The following GUCD1 variants were observed in gnomAD, a reference collection of about 807,000 sequenced individuals.
GUCD1 encodes the protein protein GUCD1.
In GUCD1, 17 loss-of-function variants were observed where a neutral mutation model predicts 28.3. The observed-to-expected ratio is 0.60, with a 90% confidence interval of 0.41 to 0.90. The LOEUF (loss-of-function observed/expected upper bound fraction) is 0.90. Among genes scored for constraint, GUCD1 ranks in the 40% least tolerant of loss-of-function variants. GUCD1 has a pLI of 0.00. For synonymous variants in GUCD1, 129 were observed against 123.3 expected, an observed-to-expected ratio of 1.05 and a Z score of -0.30; for missense variants, 279 against 305.5, an observed-to-expected ratio of 0.91 and a Z score of 0.65.
intron 3 of GUCD1, 54 bp downstream of exon 3, chr22:24,547,854 G>A: frequency 6.3e-7 from 1 of 1,584,956 alleles, no homozygotes; most frequent in Admixed American, 1.7e-5. Context: ...GAACCAGGTG[G>A]CCTTATACCT....
At chr22:24,555,328 T>A (rs9612656), upstream of GUCD1, 1 of 1,396,526 alleles carries the variant, frequency 7.2e-7, no homozygotes, top group Non-Finnish European at 9.3e-7. Context: ...GACGCGCAGC[T>A]CACCAGGACG....
Position 24,548,061 on chromosome 22 carries a change from C to G in GUCD1, c.141G>C (p.Gln47His). The G allele has an allele frequency of 6.2e-7, 1 of 1,613,856 alleles. No individual in the cohort carries two copies. The highest frequency in any genetic ancestry group is 8.5e-7 in the Non-Finnish European group (1 of 1,179,894). ...CTCTCTCAAACTCACTGTCGTCCAG[C>G]TGGCCCAGGTACCTGCAGGTAGACG... ...CSRMVLRYLG[Q>H]LDDSEFERAL... Residue 47 changes from glutamine to histidine, a missense_variant, in exon 3 of 6, where the codon CAG (glutamine) becomes CAC (histidine). Coordinates refer to ENST00000435822, the MANE Select transcript of GUCD1 (RefSeq NM_001284254.2).
In GUCD1 at chr22:24,540,529, C is replaced by T. The variant is rs552194300; in HGVS notation, c.*2477G>A. On this transcript the variant is annotated 3_prime_UTR_variant, in exon 6 of 6. Transcript: ENST00000435822. Reference sequence around the variant, plus strand: ...CAATGCAAAAGATCCCTTTCATCCCCGTGGCTAGAATGAACAAAGCCCAAC... The same window carrying T: ...CAATGCAAAAGATCCCTTTCATCCCTGTGGCTAGAATGAACAAAGCCCAAC... The T allele has an allele frequency of 6.6e-6, 1 of 152,202 alleles. No homozygotes were observed. Among genetic ancestry groups the T allele is most frequent in the Non-Finnish European group, 1.5e-5 (1 of 68,034 alleles). 9.4% of individuals were successfully genotyped at this position (152,202 alleles called of 1,614,324 possible). A position where few individuals can be genotyped will look rare whatever the true frequency, so the allele number is the denominator to read the frequency against.
chr22:24,553,268 C>T (rs976548909), intron 1 of GUCD1, among the ~76,000 whole-genome samples: 5 of 152,228 alleles, frequency 3.3e-5, no homozygotes, highest in Admixed American at 6.5e-5. Context: ...GAAGAATTGT[C>T]TTGGGCCACA....
intron 1 of GUCD1, among the ~76,000 whole-genome samples, chr22:24,552,023 C>T (rs2044888619): frequency 6.6e-6 from 1 of 152,252 alleles, no homozygotes; most frequent in Admixed American, 6.5e-5. Flanking sequence ...TTCTGTTCTT[C>T]TGTCATGTAA....
chr22:24,544,725 A>C (rs1353027143), intron 4 of GUCD1, among the ~76,000 whole-genome samples: 1 of 152,144 alleles, frequency 6.6e-6, no homozygotes, highest in Non-Finnish European at 1.5e-5. Flanking sequence ...GAAAACCTAG[A>C]GCAGGGCTGG....
chr22:24,548,578 A>G (rs936104377), intron 2 of GUCD1, among the ~76,000 whole-genome samples: 5 of 152,176 alleles, frequency 3.3e-5, no homozygotes, highest in Non-Finnish European at 7.3e-5. Flanking sequence ...ACACAGCCTC[A>G]GCTTAACGGT....
At chr22:24,543,303 T>C (rs1354277857) in intron 5 of GUCD1, among the ~76,000 whole-genome samples, 2 of 152,060 alleles carry the variant, frequency 1.3e-5, no homozygotes, top group Non-Finnish European at 2.9e-5. Context: ...AGTAAAGCAG[T>C]TGGAGAAAGG....
At chr22:24,551,167 G>A (rs1168392765) in intron 1 of GUCD1, among the ~76,000 whole-genome samples, 2 of 152,186 alleles carry the variant, frequency 1.3e-5, no homozygotes, top group Non-Finnish European at 2.9e-5. Context: ...CTTTGCAGGT[G>A]CTAATAATGT....
chr22:24,548,139 A>C, intron 2 of GUCD1, 66 bp from the exon 3 acceptor site: 2 of 1,418,866 alleles, frequency 1.4e-6, no homozygotes, highest in Non-Finnish European at 2.0e-6. Flanking sequence ...GTCACCCTCC[A>C]CCCACTGGCC....
intron 3 of GUCD1, chr22:24,547,493 C>A: frequency 5.0e-6 from 1 of 201,798 alleles, no homozygotes; most frequent in Non-Finnish European, 1.0e-5. Context: ...TCTAGACTAC[C>A]AATTATATAG....
Position 24,555,043 on chromosome 22 carries a change from TTCCGCTTCGGCTG to T in GUCD1, c.-65_-53del. The T allele has an allele frequency of 2.2e-6, 3 of 1,386,472 alleles. No individual in the cohort carries two copies. The highest frequency in any genetic ancestry group is 1.9e-6 in the Non-Finnish European group (2 of 1,066,980). The allele number at this position is 1,386,472 out of a possible 1,614,324, so 85.9% of individuals were successfully genotyped here. A position where few individuals can be genotyped will look rare whatever the true frequency, so the allele number is the denominator to read the frequency against. ...GCCCCGGCCCAGAGCGGGCTACAGCTTCCGCTTCGGCTGGGGCGGGAGGGCGGTCGGTGCGTGT... is the reference window on the plus strand; with the variant it reads ...GCCCCGGCCCAGAGCGGGCTACAGCTGGGCGGGAGGGCGGTCGGTGCGTGT... On this transcript the variant is annotated 5_prime_UTR_variant, in exon 1 of 6. Transcript: ENST00000435822.
intron 1 of GUCD1, among the ~76,000 whole-genome samples, chr22:24,553,118 G>A (rs1210913907): frequency 6.6e-6 from 1 of 152,240 alleles, no homozygotes; most frequent in Non-Finnish European, 1.5e-5. Context: ...GTGAATGCCT[G>A]CCTGTTCAAG....
At chr22:24,555,312 C>G, upstream of GUCD1, 1 of 1,396,582 alleles carries the variant, frequency 7.2e-7, no homozygotes. Context: ...GCCCAATCCT[C>G]GCGCAGACGC....
chr22:24,544,726 G>A (rs2044681354), intron 4 of GUCD1, among the ~76,000 whole-genome samples: 1 of 152,276 alleles, frequency 6.6e-6, no homozygotes, highest in Non-Finnish European at 1.5e-5. Context: ...AAAACCTAGA[G>A]CAGGGCTGGG....
At chr22:24,554,576 A>G (rs184628109) in intron 1 of GUCD1, among the ~76,000 whole-genome samples, 112 of 152,344 alleles carry the variant, frequency 7.4e-4, no homozygotes, top group Admixed American at 2.5e-3. Flanking sequence ...AGTGAAGAAC[A>G]AGAGCAAGAC....
chr22:24,551,716 C>T (rs1231357480), intron 1 of GUCD1, among the ~76,000 whole-genome samples: 1 of 152,214 alleles, frequency 6.6e-6, no homozygotes, highest in Non-Finnish European at 1.5e-5. Flanking sequence ...TCCTTCACAG[C>T]ATCCTATTCG....
Position 24,542,014 on chromosome 22 carries a change from C to G in GUCD1, c.*992G>C, listed in dbSNP as rs1378344241. The G allele has an allele frequency of 1.3e-5, 2 of 152,248 alleles. No homozygotes were observed. The highest frequency in any genetic ancestry group is 2.4e-5 in the African/African-American group (1 of 41,458). 9.4% of individuals were successfully genotyped at this position (152,248 alleles called of 1,614,324 possible). A position where few individuals can be genotyped will look rare whatever the true frequency, so the allele number is the denominator to read the frequency against. On this transcript the variant is annotated 3_prime_UTR_variant, in exon 6 of 6. Coordinates refer to ENST00000435822, the MANE Select transcript of GUCD1 (RefSeq NM_001284254.2). ...ACTTGCTGTGTTGTAAGATCCTGGG[C>G]AGGAACCCCTCTTCTCCATCAAGAT...
intron 1 of GUCD1, among the ~76,000 whole-genome samples, chr22:24,554,614 A>T (rs1318026907): frequency 6.6e-6 from 1 of 152,252 alleles, no homozygotes; most frequent in Non-Finnish European, 1.5e-5. Context: ...AGGCCAGGGC[A>T]CTGGCCCTTC....
Sources: allele counts gnomAD v4.1 joint callset (sites outside exome capture counted in the v4.1 genomes callset), GRCh38; gene constraint gnomAD v4.1.1; transcripts MANE v1.5; gene names NCBI Gene and HGNC (gene_info 2026-07-23, HGNC 2026-07-21).